The following STAU2 variants were observed in gnomAD, a reference collection of about 807,000 sequenced individuals.
STAU2 encodes double-stranded RNA-binding protein Staufen homolog 2.
A neutral mutation model predicts 65.9 loss-of-function variants in STAU2; 20 were observed. That is an observed-to-expected ratio of 0.30 (90% CI 0.21 to 0.44). The LOEUF (loss-of-function observed/expected upper bound fraction) is 0.44. STAU2 is among the 20% of genes least tolerant of loss of function. The probability of loss-of-function intolerance (pLI) is 1.00; values close to 1 mark genes in which losing one functional copy is unlikely to be tolerated. For synonymous variants in STAU2, 232 were observed against 233.9 expected (o/e 0.99, Z 0.07); for missense variants, 558 against 683.9 (o/e 0.82, Z 2.05).
intron 5 of STAU2, among the ~76,000 whole-genome samples, chr8:73,677,397 A>G: frequency 6.6e-6 from 1 of 152,230 alleles, no homozygotes; most frequent in Admixed American, 6.5e-5. Flanking sequence ...TACTGTTCAC[A>G]GCAGTATTAT....
chr8:73,617,737 G>A (rs1235041161), intron 6 of STAU2, among the ~76,000 whole-genome samples: 1 of 152,050 alleles, frequency 6.6e-6, no homozygotes, highest in South Asian at 2.1e-4. Flanking sequence ...AGAAGTTTTC[G>A]GTCAGATTTT....
At chr8:73,611,993 G>T (rs1812508418) in intron 9 of STAU2, among the ~76,000 whole-genome samples, 1 of 152,140 alleles carries the variant, frequency 6.6e-6, no homozygotes, top group South Asian at 2.1e-4. Context: ...TGGTTTGCCT[G>T]GTTTATTATT....
chr8:73,432,853 A>T (rs1432471579), intron 13 of STAU2, among the ~76,000 whole-genome samples: 1 of 151,498 alleles, frequency 6.6e-6, no homozygotes, highest in Non-Finnish European at 1.5e-5. Flanking sequence ...GGTTACTCAT[A>T]AAAAAAATAG....
intron 6 of STAU2, among the ~76,000 whole-genome samples, chr8:73,654,664 A>AAAAAAAAAAAAAAAAAACC (rs1554556802): frequency 8.1e-6 from 1 of 122,986 alleles, no homozygotes; most frequent in Non-Finnish European, 1.7e-5. Flanking sequence ...AAAAAAAAGA[A>AAAAAAAAAAAAAAAAAACC]CTCTTTTAAT....
intron 13 of STAU2, among the ~76,000 whole-genome samples, chr8:73,485,233 C>T (rs1188931250): frequency 7.2e-6 from 1 of 139,102 alleles, no homozygotes; most frequent in Non-Finnish European, 1.5e-5. Flanking sequence ...GTGGAATGTG[C>T]AGTGGCACAA....
At chr8:73,699,107 T>C (rs1365599837) in intron 4 of STAU2, among the ~76,000 whole-genome samples, 3 of 151,742 alleles carry the variant, frequency 2.0e-5, no homozygotes, top group Non-Finnish European at 2.9e-5. Flanking sequence ...AATGAAGAAA[T>C]TAAGAAGGGA....
chr8:73,548,391 C>A (rs1454881257), intron 13 of STAU2, among the ~76,000 whole-genome samples: 1 of 151,962 alleles, frequency 6.6e-6, no homozygotes, highest in Non-Finnish European at 1.5e-5. Context: ...GCCACCACCC[C>A]CCCACTTCCA....
chr8:73,727,856 C>G (rs1805762151), intron 3 of STAU2: 1 of 152,222 alleles, frequency 6.6e-6, no homozygotes, highest in Admixed American at 6.5e-5. Flanking sequence ...GTTCCAGTTT[C>G]TCCACATCGT....
intron 12 of STAU2, among the ~76,000 whole-genome samples, chr8:73,563,316 ATGCCCCCCACCTCCG>A (rs1292606533): frequency 2.6e-5 from 4 of 152,246 alleles, no homozygotes; most frequent in Non-Finnish European, 5.9e-5. Flanking sequence ...CAGTAATAGG[ATGCCCCCCACCTCCG>A]TGCTGGAGTG....
chr8:73,512,614 C>A (rs928770203), intron 13 of STAU2, among the ~76,000 whole-genome samples: 3 of 151,944 alleles, frequency 2.0e-5, no homozygotes, highest in Admixed American at 2.0e-4. Context: ...CTGTCTGTAA[C>A]TGAACTTGTT....
chr8:73,584,861 T>C (rs1382222819), intron 11 of STAU2, among the ~76,000 whole-genome samples: 2 of 152,184 alleles, frequency 1.3e-5, no homozygotes, highest in African/African-American at 4.8e-5. Flanking sequence ...ATTTAAAAGA[T>C]TTTGAAAAGC....
chr8:73,678,515 C>T (rs1180086006), intron 5 of STAU2, among the ~76,000 whole-genome samples: 1 of 152,132 alleles, frequency 6.6e-6, no homozygotes, highest in Admixed American at 6.6e-5. Flanking sequence ...TACTTCAGTC[C>T]ATGTTTATCA....
intron 6 of STAU2, among the ~76,000 whole-genome samples, chr8:73,633,726 A>C (rs1393579559): frequency 6.6e-6 from 1 of 152,162 alleles, no homozygotes; most frequent in African/African-American, 2.4e-5. Context: ...CATGCTTGTA[A>C]TCCCAACACT....
chr8:73,680,182 G>T (rs1231207825), intron 5 of STAU2, among the ~76,000 whole-genome samples: 1 of 138,864 alleles, frequency 7.2e-6, no homozygotes, highest in Admixed American at 7.2e-5. Flanking sequence ...GGGAATAGGG[G>T]GCCAATGGAA....
chr8:73,575,887 G>A (rs771600034), intron 12 of STAU2, among the ~76,000 whole-genome samples: 8 of 151,868 alleles, frequency 5.3e-5, no homozygotes, highest in African/African-American at 7.3e-5. Flanking sequence ...CAAAAAATAC[G>A]GAGAGCTGTT....
At chr8:73,551,808 G>T in intron 13 of STAU2, 1 of 1,226,380 alleles carries the variant, frequency 8.2e-7, no homozygotes, top group Non-Finnish European at 1.0e-6. Context: ...GGCAGCAAAA[G>T]AATTACTAGA....
chr8:73,479,362 G>A (rs1473862869), intron 13 of STAU2, among the ~76,000 whole-genome samples: 3 of 151,830 alleles, frequency 2.0e-5, no homozygotes, highest in South Asian at 4.2e-4. Flanking sequence ...AAGTTAAACT[G>A]AGGACCAGAA....
At chr8:73,609,462 GC>G (rs1277938620) in intron 9 of STAU2, among the ~76,000 whole-genome samples, 2 of 151,952 alleles carry the variant, frequency 1.3e-5, no homozygotes, top group Non-Finnish European at 2.9e-5. Flanking sequence ...GACCAGCCTG[GC>G]CAACATGGTT....
At chr8:73,438,093 T>C (rs536565654) in intron 13 of STAU2, among the ~76,000 whole-genome samples, 2 of 152,328 alleles carry the variant, frequency 1.3e-5, no homozygotes, top group African/African-American at 4.8e-5. Context: ...AGGCCTCCAC[T>C]GACCACTCTG....
Sources: gnomAD v4.1 joint callset for allele counts (sites outside exome capture counted in the v4.1 genomes callset) on GRCh38, gnomAD v4.1.1 for gene constraint, MANE v1.5 for transcripts, NCBI Gene and HGNC (gene_info 2026-07-23, HGNC 2026-07-21) for gene names.